BOC: variants seen among roughly 807,000 people sequenced by gnomAD.
The protein encoded by BOC is brother of CDO.
In BOC, 76 loss-of-function variants were observed where a neutral mutation model predicts 112.0. The observed-to-expected ratio is 0.68, with a 90% CI of 0.56 to 0.82. BOC has a LOEUF of 0.82. Ranked by LOEUF, BOC falls within the 40% of genes least tolerant of loss-of-function variation. The pLI is 0.00. For synonymous variants in BOC, 580 were observed against 599.8 expected (o/e 0.97, Z 0.48); for missense variants, 1,309 against 1,511.7 (o/e 0.87, Z 2.22).
chr3:113,272,972 G>A (rs1442735578), intron 7 of BOC, 97 bp from the exon 8 acceptor site: 3 of 1,453,508 alleles, frequency 2.1e-6, no homozygotes, highest in Non-Finnish European at 2.8e-6. Flanking sequence ...AACAGCCAAA[G>A]GGCAGGGGAG....
chr3:113,224,075 AGTTTGTTTT>A (rs1941231996), intron 2 of BOC, among the ~76,000 whole-genome samples: 1 of 152,190 alleles, frequency 6.6e-6, no homozygotes. Context: ...CCTCCTCGAT[AGTTTGTTTT>A]ACTTGCTTTG....
intron 5 of BOC, chr3:113,270,314 C>A: frequency 6.4e-6 from 1 of 156,506 alleles, no homozygotes; most frequent in East Asian, 1.9e-4. Flanking sequence ...TGTGTGCAGC[C>A]TGGGCCTCTC....
rs755406839 is a variant in BOC, at chr3:113,284,506, C to A, written c.2828C>A (p.Ser943Ter). The stretch of plus-strand genomic sequence containing the variant: ...ATCCACATGAATAGGGGCTGCCCCT[C>A]GGCTGCAGTGGGCTACCCGGGCATG... ...NGIHMNRGCP[S>*]AAVGYPGMKP... Residue 943 changes from serine (S) to a stop codon, truncating the protein, a stop_gained, in exon 17 of 20, where the codon TCG becomes TAG. Coordinates refer to ENST00000682979, the MANE Select transcript of BOC (RefSeq NM_001378074.1). LOFTEE classifies it high-confidence loss of function. 1 of 1,614,104 alleles carries A rather than the reference C, an allele frequency of 6.2e-7. No homozygotes were observed.
chr3:113,212,668 G>A (rs1337257302), intron 1 of BOC: 1 of 152,746 alleles, frequency 6.5e-6, no homozygotes, highest in Non-Finnish European at 1.5e-5. Context: ...CGAGGTGTCT[G>A]AGGGGCTGGG....
intron 2 of BOC, among the ~76,000 whole-genome samples, chr3:113,222,505 C>T (rs1940893688): frequency 6.6e-6 from 1 of 152,196 alleles, no homozygotes; most frequent in African/African-American, 2.4e-5. Flanking sequence ...GTGTGCAAGG[C>T]TGCAACAGAA....
rs1949159288 is a variant in BOC, at chr3:113,281,159, G to A, written c.2434+6G>A. 1 of 1,613,900 alleles carries A rather than the reference G, an allele frequency of 6.2e-7. No individual in the cohort carries two copies. The highest frequency in any genetic ancestry group is 1.3e-5 in the African/African-American group (1 of 74,930). ...GATGATCTGTGAGACCAAAGGTGAA[G>A]CTCTTTGGGTTCTCTCTCCTGTCTT... On this transcript the variant is annotated splice_donor_region_variant and intron_variant, in intron 15 of 19. Coordinates refer to ENST00000682979, the MANE Select transcript of BOC (RefSeq NM_001378074.1).
At chr3:113,272,932 T>C (rs1206668499) in intron 7 of BOC, 137 bp from the exon 8 acceptor site, 1 of 1,190,810 alleles carries the variant, frequency 8.4e-7, no homozygotes, top group East Asian at 2.4e-5. Context: ...AGACCTCTCC[T>C]TCCCTCTACT....
At chr3:113,256,341 A>G (rs975278636) in intron 4 of BOC, among the ~76,000 whole-genome samples, 1 of 152,212 alleles carries the variant, frequency 6.6e-6, no homozygotes, top group Non-Finnish European at 1.5e-5. Flanking sequence ...TTCCTTATAT[A>G]CATGTGCTCT....
chr3:113,228,098 A>G (rs891050439), intron 2 of BOC, among the ~76,000 whole-genome samples: 2 of 152,154 alleles, frequency 1.3e-5, no homozygotes, highest in Admixed American at 1.3e-4. Context: ...CCTTTACCAT[A>G]TGTTGAGCTT....
upstream of BOC, chr3:113,211,508 G>C (rs1424194068): frequency 6.6e-6 from 1 of 152,210 alleles, no homozygotes; most frequent in Non-Finnish European, 1.5e-5. Flanking sequence ...GCACGGTAAT[G>C]GGAGGCTCCT....
intron 19 of BOC, 48 bp from the exon 20 acceptor site, chr3:113,286,627 T>C (rs1949722476): frequency 1.4e-6 from 2 of 1,452,782 alleles, no homozygotes; most frequent in African/African-American, 1.4e-5. Flanking sequence ...GGGTGTTGGC[T>C]CCTCGGTCAA....
At position 113,285,560 on chromosome 3, in the gene BOC, A is replaced by T. The variant is rs1392926887; in HGVS notation, c.3155A>T (p.His1052Leu). Reference protein sequence around the residue: ...VLEAVWDPPFHSGPPCCLGLV... With the variant: ...VLEAVWDPPFLSGPPCCLGLV... ...GAAGCAGTGTGGGACCCTCCATTTCACTCAGGTTGGTTCCAGGAGCAGGGC... is the reference window on the plus strand; with the variant it reads ...GAAGCAGTGTGGGACCCTCCATTTCTCTCAGGTTGGTTCCAGGAGCAGGGC... Residue 1052 changes from histidine (H) to leucine (L), a missense_variant, in exon 19 of 20, where the codon CAC becomes CTC. His to Leu is a moderately conservative substitution (Grantham distance 99). Coordinates refer to ENST00000682979, the MANE Select transcript of BOC (RefSeq NM_001378074.1). 3 of 1,575,070 alleles carry T rather than the reference A, an allele frequency of 1.9e-6. No homozygotes were observed. Among genetic ancestry groups the T allele is most frequent in the African/African-American group, 1.4e-5 (1 of 73,880 alleles).
intron 4 of BOC, among the ~76,000 whole-genome samples, chr3:113,254,638 T>C (rs1246545628): frequency 6.6e-6 from 1 of 152,232 alleles, no homozygotes; most frequent in East Asian, 1.9e-4. Flanking sequence ...TGCACACGCA[T>C]GCACACCCAC....
At position 113,278,529 on chromosome 3, in the gene BOC, T is replaced by G. The variant is rs1340002191; in HGVS notation, c.1706-144T>G. 1 of 802,110 alleles carries G rather than the reference T, an allele frequency of 1.2e-6. No homozygotes were observed. The highest frequency in any genetic ancestry group is 2.0e-6 in the Non-Finnish European group (1 of 495,952). The allele number at this position is 802,110 out of a possible 1,614,324, so 49.7% of individuals were successfully genotyped here. On this transcript the variant is annotated intron_variant, in intron 10 of 19. Transcript: ENST00000682979. This position sits in a 1 kb window ranked among gnomAD's most constrained non-coding sequence, Gnocchi z 4.2. ...CAACAGAACCAGTCTCGGCCGAGGC[T>G]GAGCCCACACCCTCAGTGCCCCGGA...
intron 2 of BOC, among the ~76,000 whole-genome samples, chr3:113,240,433 T>G (rs138858816): frequency 0.011 from 1,726 of 152,326 alleles, 19 homozygotes; most frequent in Middle Eastern, 0.031. Context: ...AAAGCCATTT[T>G]CATCTGCCCC....
At chr3:113,249,382 C>T (rs1231477960) in intron 2 of BOC, among the ~76,000 whole-genome samples, 1 of 152,220 alleles carries the variant, frequency 6.6e-6, no homozygotes, top group Non-Finnish European at 1.5e-5. Context: ...CAGATAGTCA[C>T]TGTCCTGTGC....
chr3:113,278,175 C>T lies in BOC; in HGVS notation c.1623C>T (p.Asp541=), dbSNP rs771561087. Residue 541 remains aspartate, a synonymous_variant, in exon 10 of 20, where the codon GAC becomes GAT. Transcript: ENST00000682979. This position sits in a 1 kb window ranked among gnomAD's most constrained non-coding sequence, Gnocchi z 4.2. ...NQHRLTLTRL[D]PGSLYEVEMA... is the part of the protein sequence containing the mutation. ...ACCGCCTGACCCTCACCAGACTTGA[C>T]CCCGGGAGCTTGTATGAAGTGGAGA... 4 of 1,614,104 alleles carry T rather than the reference C, an allele frequency of 2.5e-6. No homozygotes were observed. The highest frequency in any genetic ancestry group is 1.7e-5 in the Admixed American group (1 of 60,008).
chr3:113,223,381 C>T (rs771242520), intron 2 of BOC, among the ~76,000 whole-genome samples: 25 of 152,218 alleles, frequency 1.6e-4, no homozygotes, highest in African/African-American at 2.4e-4. Context: ...CCACCAGGGT[C>T]CCCTATTATT....
rs780555312 is a variant in BOC, at chr3:113,286,909, A to T, written c.*47A>T. On this transcript the variant is annotated 3_prime_UTR_variant, in exon 20 of 20. Transcript: ENST00000682979. ...AGACTATATATTGTTTTTTTTTTAA[A>T]AAAAAAAAGAAGAAAAAAGAGACAG... 1.2e-5 allele frequency: 17 copies of T among 1,429,524 alleles called. No individual in the cohort carries two copies. Among genetic ancestry groups the T allele is most frequent in the African/African-American group, 7.6e-5 (5 of 65,688 alleles). The allele number at this position is 1,429,524 out of a possible 1,614,324, so 88.6% of individuals were successfully genotyped here.
Sources: allele counts gnomAD v4.1 joint callset (sites outside exome capture counted in the v4.1 genomes callset), GRCh38; gene constraint gnomAD v4.1.1; non-coding constraint Gnocchi (gnomAD v3.1); transcripts MANE v1.5; gene names NCBI Gene and HGNC (gene_info 2026-07-23, HGNC 2026-07-21).